CNTN3: variants seen among roughly 807,000 people sequenced by gnomAD.
CNTN3 encodes contactin 3, also known as contactin-3.
CNTN3 carries 60 observed loss-of-function variants against 119.1 expected under a neutral mutation model. The ratio of observed to expected loss-of-function variants is 0.50; its 90% CI spans 0.41 to 0.62. The LOEUF is 0.62. Among genes scored for constraint, CNTN3 ranks in the 20% least tolerant of loss-of-function variants. CNTN3 has a pLI of 0.00. For missense variants in CNTN3, 1,101 were observed against 1,242.4 expected, an observed-to-expected ratio of 0.89 and a Z score of 1.71; for synonymous variants, 450 against 438.7, an observed-to-expected ratio of 1.03 and a Z score of -0.32.
At chr3:74,594,988 T>A (rs1704776668) in intron 1 of CNTN3, among the ~76,000 whole-genome samples, 1 of 152,158 alleles carries the variant, frequency 6.6e-6, no homozygotes, top group South Asian at 2.1e-4. Flanking sequence ...TGATCACCAT[T>A]CTAACTGGCG....
chr3:74,392,715 TG>T (rs1298666586), intron 5 of CNTN3, among the ~76,000 whole-genome samples: 1 of 152,154 alleles, frequency 6.6e-6, no homozygotes, highest in African/African-American at 2.4e-5. Context: ...AAGTGATGAT[TG>T]GTGCTACAAA....
chr3:74,475,764 T>C (rs962098474), intron 4 of CNTN3, among the ~76,000 whole-genome samples: 1 of 152,178 alleles, frequency 6.6e-6, no homozygotes, highest in Admixed American at 6.5e-5. Flanking sequence ...CTAAAATTTA[T>C]TTGTGACCCC....
At chr3:74,445,100 A>G (rs1196938267) in intron 4 of CNTN3, among the ~76,000 whole-genome samples, 1 of 152,190 alleles carries the variant, frequency 6.6e-6, no homozygotes, top group African/African-American at 2.4e-5. Context: ...TCTGTCTTTC[A>G]GTATGATTGA....
intron 1 of CNTN3, among the ~76,000 whole-genome samples, chr3:74,594,273 CTTTTTTTTTTTT>C (rs59436860): frequency 4.5e-5 from 5 of 112,068 alleles, no homozygotes; most frequent in Non-Finnish European, 1.0e-4. Context: ...TTCTTTTTTT[CTTTTTTTTTTTT>C]TTTTTACTTT....
chr3:74,297,034 A>C (rs1406476835), intron 18 of CNTN3, among the ~76,000 whole-genome samples: 1 of 152,182 alleles, frequency 6.6e-6, no homozygotes, highest in Non-Finnish European at 1.5e-5. Context: ...AAAGGCAAAG[A>C]AACAGAACGG....
chr3:74,524,012 A>G (rs1055701557), intron 1 of CNTN3, among the ~76,000 whole-genome samples: 2 of 151,884 alleles, frequency 1.3e-5, no homozygotes, highest in African/African-American at 4.8e-5. Flanking sequence ...CCGGACATCA[A>G]GTGAGTGAAA....
intron 4 of CNTN3, among the ~76,000 whole-genome samples, chr3:74,474,167 G>C (rs1158049667): frequency 6.6e-6 from 1 of 152,120 alleles, no homozygotes; most frequent in Non-Finnish European, 1.5e-5. Context: ...AGAGTGAGCA[G>C]TGGCCAGATT....
intron 2 of CNTN3, among the ~76,000 whole-genome samples, chr3:74,500,981 T>C (rs1035644968): frequency 3.3e-5 from 5 of 152,074 alleles, no homozygotes; most frequent in African/African-American, 1.2e-4. Flanking sequence ...ACACATATTC[T>C]AGAATAATGG....
chr3:74,572,972 G>A (rs1158009483), intron 1 of CNTN3, among the ~76,000 whole-genome samples: 2 of 152,212 alleles, frequency 1.3e-5, no homozygotes, highest in Non-Finnish European at 2.9e-5. Context: ...ACATTGAAAT[G>A]TACTTAGACC....
At chr3:74,503,847 A>G (rs1703206489) in intron 2 of CNTN3, among the ~76,000 whole-genome samples, 1 of 152,128 alleles carries the variant, frequency 6.6e-6, no homozygotes. Flanking sequence ...AATAAGGGGC[A>G]TATCAGACTT....
At position 74,298,020 on chromosome 3, in the gene CNTN3, C is replaced by T. The variant is rs774774515; in HGVS notation, c.2338G>A (p.Val780Ile). The change falls in exon 18 of 23, where the codon GTT (valine) becomes ATT (isoleucine). Residue 780 changes from valine (V) to isoleucine (I), a missense_variant. Transcript: ENST00000263665. ...GGTCCTTCACCTTTGTTATTATAAA[C>T]ACCCACTTTAACTTCATATGGTGAA... Reference protein sequence around the residue: ...PYSPYEVKVGVYNNKGEGPFS... With the variant: ...PYSPYEVKVGIYNNKGEGPFS... 1 of 1,614,084 alleles carries T rather than the reference C, an allele frequency of 6.2e-7. No homozygotes were observed. Among genetic ancestry groups the T allele is most frequent in the South Asian group, 1.1e-5 (1 of 91,086 alleles).
intron 3 of CNTN3, among the ~76,000 whole-genome samples, chr3:74,490,351 T>C (rs9859346): frequency 1 from 151,781 of 152,302 alleles, 75,632 homozygotes; most frequent in Middle Eastern, 1. Context: ...GTTTATCTTA[T>C]CTAAGAAGAG....
chr3:74,441,248 T>C (rs1477030053), intron 4 of CNTN3, among the ~76,000 whole-genome samples: 1 of 152,162 alleles, frequency 6.6e-6, no homozygotes, highest in Non-Finnish European at 1.5e-5. Flanking sequence ...TATTTTATCA[T>C]TTTAACACTA....
At chr3:74,385,724 T>C (rs1704729593) in intron 5 of CNTN3, among the ~76,000 whole-genome samples, 1 of 152,228 alleles carries the variant, frequency 6.6e-6, no homozygotes, top group African/African-American at 2.4e-5. Context: ...AAGGATTAGG[T>C]AATCCATATG....
intron 4 of CNTN3, among the ~76,000 whole-genome samples, chr3:74,425,817 A>C (rs1701686783): frequency 6.6e-6 from 1 of 152,060 alleles, no homozygotes; most frequent in Admixed American, 6.6e-5. Flanking sequence ...TATAAGTCCT[A>C]TTTTTCCCAT....
rs1041735566 is a variant in CNTN3, at chr3:74,550,528, T to C, written c.-80-29336A>G. 2.6e-5 allele frequency among the ~76,000 whole-genome samples: 4 copies of C among 152,022 alleles called. No homozygotes were observed. The East Asian group carries it at 5.8e-4, about 22-fold the overall frequency. On this transcript the variant is annotated intron_variant, in intron 1 of 22. Transcript: ENST00000263665. ...TAGCAGCCACTTTTTGCTCCTGTTG[T>C]TGTTGTTGGTGTTATTATTATTATT...
chr3:74,336,432 T>C (rs982985855), intron 12 of CNTN3, 99 bp downstream of exon 12: 66 of 1,254,834 alleles, frequency 5.3e-5, no homozygotes, highest in Non-Finnish European at 6.1e-5. Context: ...TCTACCTTCA[T>C]AGTGTACTGA....
intron 5 of CNTN3, among the ~76,000 whole-genome samples, chr3:74,421,666 T>C (rs920161046): frequency 1.3e-5 from 2 of 151,952 alleles, no homozygotes; most frequent in Non-Finnish European, 2.9e-5. Flanking sequence ...ACACAAAGTA[T>C]GGGAGACAGA....
At chr3:74,285,656 C>T (rs867898614) in intron 19 of CNTN3, among the ~76,000 whole-genome samples, 165 bp from the exon 20 acceptor site, 1 of 150,994 alleles carries the variant, frequency 6.6e-6, no homozygotes, top group Admixed American at 6.6e-5. Context: ...TGTGTCACAG[C>T]AGTGAAGATA....
Sources: gnomAD v4.1 joint callset for allele counts (sites outside exome capture counted in the v4.1 genomes callset) on GRCh38, gnomAD v4.1.1 for gene constraint, MANE v1.5 for transcripts, NCBI Gene and HGNC (gene_info 2026-07-23, HGNC 2026-07-21) for gene names.